Variants in KIAA1328 observed in about 807,000 individuals in gnomAD.
The protein encoded by KIAA1328 is KIAA1328, also known as protein hinderin.
KIAA1328 carries 52 observed loss-of-function variants against 68.1 expected under a neutral mutation model. The ratio of observed to expected loss-of-function variants is 0.76; its 90% CI spans 0.61 to 0.96. KIAA1328 has a LOEUF of 0.96. Ranked by LOEUF, KIAA1328 falls within the 40% of genes least tolerant of loss-of-function variation. KIAA1328 has a pLI of 0.00. For missense variants in KIAA1328, 641 were observed against 677.6 expected, an observed-to-expected ratio of 0.95 and a Z score of 0.60; for synonymous variants, 232 against 239.4, an observed-to-expected ratio of 0.97 and a Z score of 0.28.
At chr18:36,954,687 CT>C (rs35883053) in intron 5 of KIAA1328, among the ~76,000 whole-genome samples, 67,962 of 120,922 alleles carry the variant, frequency 0.56, 15,244 homozygotes, top group South Asian at 0.73. Flanking sequence ...AAAGACTTCA[CT>C]TTTTTTTTTT....
At chr18:37,128,449 G>A (rs1186499538) in intron 7 of KIAA1328, among the ~76,000 whole-genome samples, 4 of 152,068 alleles carry the variant, frequency 2.6e-5, no homozygotes, top group South Asian at 2.1e-4. Context: ...CTCCAGCCTC[G>A]GTGACAGAGC....
intron 9 of KIAA1328, among the ~76,000 whole-genome samples, chr18:37,174,432 G>C (rs1387994587): frequency 6.9e-6 from 1 of 145,092 alleles, no homozygotes; most frequent in African/African-American, 2.5e-5. Flanking sequence ...CGCCAGGCTG[G>C]AGTACAGTGG....
intron 7 of KIAA1328, among the ~76,000 whole-genome samples, chr18:37,101,022 G>C (rs946902748): frequency 6.6e-6 from 1 of 152,102 alleles, no homozygotes; most frequent in African/African-American, 2.4e-5. Context: ...CCATCTGTAC[G>C]TCACCATCAT....
At chr18:37,183,643 T>A (rs188598037) in intron 9 of KIAA1328, among the ~76,000 whole-genome samples, 93 of 152,340 alleles carry the variant, frequency 6.1e-4, no homozygotes, top group Non-Finnish European at 1.2e-3. Flanking sequence ...TCAATAAGCC[T>A]GCAGTGAAAA....
At chr18:36,910,929 A>C (rs1461601203) in intron 5 of KIAA1328, among the ~76,000 whole-genome samples, 1 of 151,898 alleles carries the variant, frequency 6.6e-6, no homozygotes, top group Non-Finnish European at 1.5e-5. Context: ...AAGAGTCTGA[A>C]ACTAATCCAC....
intron 7 of KIAA1328, among the ~76,000 whole-genome samples, chr18:37,142,921 T>C (rs1354284950): frequency 3.3e-5 from 5 of 151,850 alleles, no homozygotes; most frequent in Non-Finnish European, 7.4e-5. Context: ...ATGAAAATAG[T>C]TTATTTCTGG....
chr18:37,075,580 G>C (rs1335144105), intron 7 of KIAA1328: 1 of 152,160 alleles, frequency 6.6e-6, no homozygotes, highest in African/African-American at 2.4e-5. Flanking sequence ...GCTGTTTTCA[G>C]GAAACCCATC....
chr18:37,138,029 A>G (rs1013444871), intron 7 of KIAA1328, among the ~76,000 whole-genome samples: 3 of 152,150 alleles, frequency 2.0e-5, no homozygotes, highest in Non-Finnish European at 4.4e-5. Flanking sequence ...CTCTTCAGCT[A>G]GTCTATAATA....
chr18:36,996,268 C>T (rs2151433673), intron 6 of KIAA1328, among the ~76,000 whole-genome samples: 1 of 152,208 alleles, frequency 6.6e-6, no homozygotes, highest in East Asian at 1.9e-4. Context: ...CTGTTTTAAG[C>T]TCTTTATATA....
At position 36,893,462 on chromosome 18, in the gene KIAA1328, T is replaced by TGTG. The variant is rs761526807; in HGVS notation, c.448+7790_448+7791insGTG. Among the ~76,000 whole-genome samples, 918 of 131,792 alleles carry TGTG rather than the reference T, an allele frequency of 7.0e-3. 7 individuals carry two copies. Among genetic ancestry groups the TGTG allele is most frequent in the African/African-American group, 0.019 (632 of 33,960 alleles). 86.5% of individuals were successfully genotyped at this position (131,792 alleles called of 152,430 possible). ...GTGTGTGTGTGTGTGTGTGTGTGTG[T>TGTG]TTTTGTGTGTGTGTGTGTGTGTGTG... is the stretch of plus-strand genomic sequence containing the variant. On this transcript the variant is annotated intron_variant, in intron 5 of 9. Transcript: ENST00000280020.
chr18:37,090,261 T>G (rs2057230887), intron 7 of KIAA1328, among the ~76,000 whole-genome samples: 1 of 152,176 alleles, frequency 6.6e-6, no homozygotes, highest in African/African-American at 2.4e-5. Flanking sequence ...TTTTTAATAC[T>G]AAGATAATTT....
intron 4 of KIAA1328, among the ~76,000 whole-genome samples, chr18:36,859,884 A>C (rs1347299601): frequency 2.0e-5 from 3 of 149,692 alleles, no homozygotes; most frequent in African/African-American, 7.4e-5. Flanking sequence ...TCTATACCTA[A>C]CTTTTTATAA....
At chr18:36,852,251 A>G (rs1600988924) in intron 4 of KIAA1328, among the ~76,000 whole-genome samples, 1 of 152,274 alleles carries the variant, frequency 6.6e-6, no homozygotes, top group South Asian at 2.1e-4. Context: ...ATATGTATTT[A>G]GCTGTTACTT....
chr18:37,114,663 G>A (rs1034057709), intron 7 of KIAA1328, among the ~76,000 whole-genome samples: 1 of 152,194 alleles, frequency 6.6e-6, no homozygotes, highest in African/African-American at 2.4e-5. Flanking sequence ...TAAGATCAGA[G>A]CAGAACTGAA....
At chr18:37,228,908 A>T (rs1476459993), downstream of KIAA1328, among the ~76,000 whole-genome samples, 1 of 152,180 alleles carries the variant, frequency 6.6e-6, no homozygotes, top group Non-Finnish European at 1.5e-5. Context: ...ATATGTGTTG[A>T]TTGTTTTTAG....
intron 8 of KIAA1328, among the ~76,000 whole-genome samples, chr18:37,171,713 A>G (rs2154213584): frequency 6.6e-6 from 1 of 152,270 alleles, no homozygotes; most frequent in Middle Eastern, 3.4e-3. Flanking sequence ...ACATCTACGC[A>G]TAATAGATCA....
intron 7 of KIAA1328, among the ~76,000 whole-genome samples, chr18:37,112,301 C>T (rs191062026): frequency 3.5e-4 from 53 of 152,268 alleles, no homozygotes; most frequent in Middle Eastern, 3.4e-3. Context: ...TTCATACAGT[C>T]GGGTGCCCCT....
At chr18:37,216,979 G>GTTTTT (rs1480974787) in intron 9 of KIAA1328, among the ~76,000 whole-genome samples, 8 of 71,052 alleles carry the variant, frequency 1.1e-4, no homozygotes, top group African/African-American at 3.4e-4. Context: ...CTTTTTTTTT[G>GTTTTT]TTTTTTTTTT....
intron 6 of KIAA1328, among the ~76,000 whole-genome samples, chr18:37,026,221 G>A (rs1272703731): frequency 1.3e-5 from 2 of 152,062 alleles, no homozygotes; most frequent in Non-Finnish European, 2.9e-5. Flanking sequence ...TGAAATTCAG[G>A]CAATAATTAA....
Sources: gnomAD v4.1 joint callset for allele counts (sites outside exome capture counted in the v4.1 genomes callset) on GRCh38, gnomAD v4.1.1 for gene constraint, MANE v1.5 for transcripts, NCBI Gene and HGNC (gene_info 2026-07-23, HGNC 2026-07-21) for gene names.